The following PHLDB2 variants were observed in gnomAD, a reference collection of about 807,000 sequenced individuals.
PHLDB2 encodes pleckstrin homology-like domain family B member 2.
Under a neutral mutation model 123.6 loss-of-function variants are expected in PHLDB2, and 71 were observed. That is an observed-to-expected ratio of 0.57 (90% CI 0.47 to 0.70). The LOEUF (loss-of-function observed/expected upper bound fraction) is 0.70, where lower values mean the gene tolerates loss of function less well. Among genes scored for constraint, PHLDB2 ranks in the 30% least tolerant of loss-of-function variants. The probability of loss-of-function intolerance (pLI) is 0.00; values close to 1 mark genes in which losing one functional copy is unlikely to be tolerated. For synonymous variants in PHLDB2, 547 were observed against 541.6 expected, an observed-to-expected ratio of 1.01 and a Z score of -0.14; for missense variants, 1,446 against 1,519.5, an observed-to-expected ratio of 0.95 and a Z score of 0.80.
intron 16 of PHLDB2, among the ~76,000 whole-genome samples, chr3:111,973,001 C>T (rs1398515563): frequency 1.3e-5 from 2 of 152,186 alleles, no homozygotes; most frequent in Non-Finnish European, 1.5e-5. Context: ...CCTCCTCATT[C>T]ATGCTTTTAA....
At chr3:111,741,543 GTGTGTGTGTGTGTC>G (rs1316016456) in intron 1 of PHLDB2, among the ~76,000 whole-genome samples, 1 of 151,492 alleles carries the variant, frequency 6.6e-6, no homozygotes, top group Non-Finnish European at 1.5e-5. Flanking sequence ...GCATGTCTCT[GTGTGTGTGTGTGTC>G]TGTGTGTGTG....
At chr3:111,901,220 C>T (rs1463682501) in intron 2 of PHLDB2, among the ~76,000 whole-genome samples, 2 of 147,464 alleles carry the variant, frequency 1.4e-5, no homozygotes, top group South Asian at 2.1e-4. Context: ...ATTAGCCAGA[C>T]GTGGTGGCAC....
chr3:111,910,851 C>G (rs2067844539), intron 2 of PHLDB2, among the ~76,000 whole-genome samples: 1 of 152,192 alleles, frequency 6.6e-6, no homozygotes, highest in African/African-American at 2.4e-5. Flanking sequence ...TTTAGTGCAG[C>G]TTTTATAGGG....
chr3:111,962,032 G>A, intron 12 of PHLDB2, 76 bp from the exon 13 acceptor site: 2 of 1,371,610 alleles, frequency 1.5e-6, no homozygotes, highest in Non-Finnish European at 2.0e-6. Context: ...CTGGTTGCTG[G>A]CTTGTGTCTG....
chr3:111,767,411 T>G (rs2060101232), intron 1 of PHLDB2, among the ~76,000 whole-genome samples: 1 of 152,228 alleles, frequency 6.6e-6, no homozygotes, highest in South Asian at 2.1e-4. Flanking sequence ...TGTAGATTGT[T>G]GACACCAAAC....
chr3:111,908,697 A>G (rs2067697217), intron 2 of PHLDB2, among the ~76,000 whole-genome samples: 1 of 152,226 alleles, frequency 6.6e-6, no homozygotes, highest in Non-Finnish European at 1.5e-5. Flanking sequence ...CTGTGTCCAG[A>G]AAGAGGTGAA....
chr3:111,939,875 A>G (rs1225925332), intron 7 of PHLDB2, among the ~76,000 whole-genome samples: 1 of 152,216 alleles, frequency 6.6e-6, no homozygotes, highest in African/African-American at 2.4e-5. Flanking sequence ...GAAAATCAGG[A>G]ATTCAGATAT....
At chr3:111,761,818 A>G (rs1245775329) in intron 1 of PHLDB2, among the ~76,000 whole-genome samples, 6 of 152,228 alleles carry the variant, frequency 3.9e-5, no homozygotes, top group Admixed American at 3.9e-4. Context: ...ATTGAGCCAC[A>G]GAGGCCATGA....
intron 16 of PHLDB2, among the ~76,000 whole-genome samples, chr3:111,973,182 G>A (rs923421793): frequency 2.6e-5 from 4 of 152,100 alleles, no homozygotes; most frequent in African/African-American, 9.7e-5. Flanking sequence ...AAAACAGTTT[G>A]GAAATTGTTG....
chr3:111,807,028 G>A (rs764128909), intron 1 of PHLDB2, among the ~76,000 whole-genome samples: 4 of 151,452 alleles, frequency 2.6e-5, no homozygotes, highest in Non-Finnish European at 5.9e-5. Context: ...CCGATTCTCA[G>A]TCCAGGACTT....
intron 1 of PHLDB2, among the ~76,000 whole-genome samples, chr3:111,792,900 T>A (rs150967941): frequency 6.6e-6 from 1 of 152,140 alleles, no homozygotes; most frequent in South Asian, 2.1e-4. Flanking sequence ...AGGAAGGATG[T>A]GAATATTTGA....
At chr3:111,753,309 T>G (rs2059818404) in intron 1 of PHLDB2, among the ~76,000 whole-genome samples, 2 of 149,756 alleles carry the variant, frequency 1.3e-5, no homozygotes, top group Non-Finnish European at 3.0e-5. Flanking sequence ...CTCCAGCACC[T>G]GTTGTTTCCT....
chr3:111,893,100 C>CCA (rs1553746099), intron 2 of PHLDB2, among the ~76,000 whole-genome samples: 22 of 152,006 alleles, frequency 1.4e-4, no homozygotes, highest in African/African-American at 4.6e-4. Context: ...GACCACCCCC[C>CCA]CAAAATAAGT....
At chr3:111,932,547 A>G (rs1344682107) in intron 6 of PHLDB2, 150 bp downstream of exon 6, 1 of 768,306 alleles carries the variant, frequency 1.3e-6, no homozygotes, top group Admixed American at 3.2e-5. Context: ...TATGCATGCT[A>G]ACAGTATATA....
At chr3:111,972,532 G>C (rs998411167) in intron 16 of PHLDB2, among the ~76,000 whole-genome samples, 2 of 110,064 alleles carry the variant, frequency 1.8e-5, no homozygotes, top group African/African-American at 5.4e-5. Flanking sequence ...CTGATCTCTC[G>C]TTTTTAAGCC....
intron 1 of PHLDB2, among the ~76,000 whole-genome samples, chr3:111,843,068 A>C (rs748707736): frequency 1.1e-4 from 16 of 152,196 alleles, no homozygotes; most frequent in Admixed American, 3.9e-4. Context: ...ACATTTACAT[A>C]TGAGTTTTTG....
chr3:111,797,418 C>A (rs994554168), intron 1 of PHLDB2, among the ~76,000 whole-genome samples: 9 of 152,200 alleles, frequency 5.9e-5, no homozygotes, highest in Admixed American at 2.6e-4. Flanking sequence ...TTTCCTAATT[C>A]TTATCTCAGA....
intron 6 of PHLDB2, among the ~76,000 whole-genome samples, chr3:111,935,965 TTCAAC>T (rs545737720): frequency 1.5e-4 from 23 of 152,280 alleles, no homozygotes; most frequent in Middle Eastern, 6.8e-3. Context: ...ACTAGATTAT[TTCAAC>T]TGTCTTTTTC....
intron 12 of PHLDB2, chr3:111,960,124 T>G: frequency 1.2e-6 from 1 of 803,216 alleles, no homozygotes; most frequent in South Asian, 5.7e-5. Flanking sequence ...GCATAATAAA[T>G]AATTGGAAAC....
Sources: allele counts gnomAD v4.1 joint callset (sites outside exome capture counted in the v4.1 genomes callset), GRCh38; gene constraint gnomAD v4.1.1; transcripts MANE v1.5; gene names NCBI Gene and HGNC (gene_info 2026-07-23, HGNC 2026-07-21).